Variants in NRG3 observed in about 807,000 individuals in gnomAD.
NRG3 encodes the protein neuregulin 3.
Under a neutral mutation model 66.9 loss-of-function variants are expected in NRG3, and 31 were observed. The observed-to-expected ratio is 0.46, with a 90% confidence interval of 0.35 to 0.63. The LOEUF (loss-of-function observed/expected upper bound fraction) is 0.63. NRG3 is among the 20% of genes least tolerant of loss of function. NRG3 has a pLI of 0.00. For missense variants in NRG3, 910 were observed against 878.9 expected (o/e 1.04, Z -0.45); for synonymous variants, 393 against 359.4 (o/e 1.09, Z -1.06).
chr10:82,801,403 T>C (rs1290783556), intron 3 of NRG3, among the ~76,000 whole-genome samples: 1 of 152,156 alleles, frequency 6.6e-6, no homozygotes, highest in African/African-American at 2.4e-5. Context: ...AAAAACATCT[T>C]TCTTTTTCTT....
At chr10:82,525,391 C>T (rs910374950) in intron 2 of NRG3, among the ~76,000 whole-genome samples, 2 of 151,834 alleles carry the variant, frequency 1.3e-5, no homozygotes, top group African/African-American at 4.8e-5. Flanking sequence ...ATCCTCCTAA[C>T]GTTGAGGGGG....
chr10:82,008,596 A>G (rs959809235), intron 1 of NRG3, among the ~76,000 whole-genome samples: 9 of 152,190 alleles, frequency 5.9e-5, no homozygotes, highest in African/African-American at 2.2e-4. Context: ...GCTATTCAAG[A>G]TCATGGCTAC....
chr10:82,284,299 A>T (rs1042630234), intron 1 of NRG3, among the ~76,000 whole-genome samples: 1 of 152,228 alleles, frequency 6.6e-6, no homozygotes, highest in Non-Finnish European at 1.5e-5. Flanking sequence ...CGCCATAAAC[A>T]TCTTAGTTTA....
At chr10:82,001,548 A>G (rs1314149802) in intron 1 of NRG3, among the ~76,000 whole-genome samples, 5 of 152,062 alleles carry the variant, frequency 3.3e-5, no homozygotes, top group Non-Finnish European at 7.4e-5. Context: ...GAAAGAAGGA[A>G]AAAGAAGAGA....
At chr10:82,134,997 A>G (rs1467157389) in intron 1 of NRG3, among the ~76,000 whole-genome samples, 1 of 151,606 alleles carries the variant, frequency 6.6e-6, no homozygotes, top group East Asian at 2.0e-4. Context: ...GTGGTGGCAC[A>G]TGCCTGTAGT....
chr10:82,801,472 G>A (rs1378085511), intron 3 of NRG3, among the ~76,000 whole-genome samples: 1 of 152,078 alleles, frequency 6.6e-6, no homozygotes, highest in Non-Finnish European at 1.5e-5. Flanking sequence ...AAGGCCAGTA[G>A]CAGATTGCCA....
In NRG3 at chr10:82,602,379, G is replaced by A. The variant is rs77303205; in HGVS notation, c.954-136198G>A. The stretch of plus-strand genomic sequence containing the variant: ...TCTTATCACATCACAGTATAATGCT[G>A]TTAATTTCAGGGAAGATGTAACATA... On this transcript the variant is annotated intron_variant, in intron 2 of 8. Coordinates refer to ENST00000372141, the MANE Select transcript of NRG3 (RefSeq NM_001010848.4). Among the ~76,000 whole-genome samples, 830 of 152,110 alleles carry A rather than the reference G, an allele frequency of 5.5e-3. 8 individuals are homozygous for A. Among genetic ancestry groups the A allele is most frequent in the African/African-American group, 0.019 (791 of 41,532 alleles).
chr10:82,251,440 A>C (rs925224742), intron 1 of NRG3, among the ~76,000 whole-genome samples: 5 of 152,074 alleles, frequency 3.3e-5, no homozygotes, highest in Admixed American at 3.3e-4. Context: ...CTTTTCATGC[A>C]GCTCTGACTC....
chr10:82,661,253 C>T (rs1009031016), intron 2 of NRG3, among the ~76,000 whole-genome samples: 12 of 152,232 alleles, frequency 7.9e-5, no homozygotes, highest in Admixed American at 6.5e-4. Context: ...CAAGTCCTCT[C>T]TCATGGAGAC....
At chr10:81,908,820 G>C (rs1313724718) in intron 1 of NRG3, among the ~76,000 whole-genome samples, 2 of 152,112 alleles carry the variant, frequency 1.3e-5, no homozygotes, top group Admixed American at 6.5e-5. Context: ...CTAAGTCCTA[G>C]TGTTCACCTG....
intron 8 of NRG3, among the ~76,000 whole-genome samples, chr10:82,981,765 A>G (rs1852929900): frequency 6.6e-6 from 1 of 152,216 alleles, no homozygotes; most frequent in South Asian, 2.1e-4. Context: ...AATGACAGCC[A>G]TGGTAATGGC....
intron 1 of NRG3, among the ~76,000 whole-genome samples, chr10:82,176,566 T>G (rs1243936682): frequency 2.6e-5 from 4 of 152,098 alleles, no homozygotes; most frequent in Non-Finnish European, 5.9e-5. Context: ...AATGCTTGGA[T>G]TGAGCTGATT....
rs544059449 is a variant in NRG3 at position 82,087,262 on chromosome 10, C to T, written c.823+211099C>T. 5.3e-5 allele frequency among the ~76,000 whole-genome samples: 8 copies of T among 152,114 alleles called. No homozygotes were observed. In the South Asian group the frequency reaches 1.7e-3, roughly 32 times the overall value. ...AAGTCAGAGTTTTAAAAATGGTTCT[C>T]AGAGACACTGTTTTGGCTTTGTTCT... On this transcript the variant is annotated intron_variant, in intron 1 of 8. Transcript: ENST00000372141.
At chr10:82,084,648 A>G (rs944165157) in intron 1 of NRG3, among the ~76,000 whole-genome samples, 6 of 151,480 alleles carry the variant, frequency 4.0e-5, no homozygotes, top group Admixed American at 1.3e-4. Flanking sequence ...ATAATTTCCT[A>G]TTTTTCTGTG....
chr10:82,954,116 C>T (rs1216781450), intron 5 of NRG3, among the ~76,000 whole-genome samples: 1 of 151,884 alleles, frequency 6.6e-6, no homozygotes, highest in Non-Finnish European at 1.5e-5. Context: ...CCCTGGAGCA[C>T]GAGAGTGGTA....
At chr10:82,100,000 T>TATATATAA (rs980884026) in intron 1 of NRG3, among the ~76,000 whole-genome samples, 1 of 150,226 alleles carries the variant, frequency 6.7e-6, no homozygotes, top group African/African-American at 2.4e-5. Flanking sequence ...TATATATATA[T>TATATATAA]AATTTAAAAA....
intron 1 of NRG3, among the ~76,000 whole-genome samples, chr10:81,898,699 G>GT (rs574810616): frequency 0.038 from 5,467 of 144,304 alleles, 135 homozygotes; most frequent in African/African-American, 0.06. Flanking sequence ...TGTTTGAAGA[G>GT]TTTTTTTTTT....
chr10:81,914,806 A>G (rs980947027), intron 1 of NRG3, among the ~76,000 whole-genome samples: 1 of 146,292 alleles, frequency 6.8e-6, no homozygotes, highest in Non-Finnish European at 1.5e-5. Context: ...CATGAATTGT[A>G]TGATTCCATT....
chr10:81,953,132 A>G (rs537227985), intron 1 of NRG3, among the ~76,000 whole-genome samples: 5 of 152,086 alleles, frequency 3.3e-5, no homozygotes, highest in Admixed American at 2.0e-4. Context: ...TTTCTCTCTA[A>G]CACTCTTCCT....
Sources: gnomAD v4.1 joint callset for allele counts (sites outside exome capture counted in the v4.1 genomes callset) on GRCh38, gnomAD v4.1.1 for gene constraint, MANE v1.5 for transcripts, NCBI Gene and HGNC (gene_info 2026-07-23, HGNC 2026-07-21) for gene names.